Variants in TMEM182 observed in about 807,000 individuals in gnomAD.
TMEM182 encodes the protein transmembrane protein 182.
Under a neutral mutation model 26.8 loss-of-function variants are expected in TMEM182, and 20 were observed. That is an observed-to-expected ratio of 0.75 (90% CI 0.53 to 1.09). The LOEUF (loss-of-function observed/expected upper bound fraction) is 1.09. TMEM182 is among the 50% of genes least tolerant of loss of function. The probability of loss-of-function intolerance (pLI) is 0.00; values close to 1 mark genes in which losing one functional copy is unlikely to be tolerated. For missense variants in TMEM182, 277 were observed against 275.5 expected (o/e 1.01, Z -0.04); for synonymous variants, 109 against 102.2 (o/e 1.07, Z -0.40).
At chr2:102,782,902 T>A (rs1005760853) in intron 3 of TMEM182, among the ~76,000 whole-genome samples, 2 of 152,226 alleles carry the variant, frequency 1.3e-5, no homozygotes, top group Admixed American at 6.5e-5. Flanking sequence ...TTAATATTTT[T>A]AAATATAATT....
chr2:102,794,537 C>G (rs1268073401), intron 3 of TMEM182, among the ~76,000 whole-genome samples: 1 of 152,216 alleles, frequency 6.6e-6, no homozygotes, highest in Non-Finnish European at 1.5e-5. Context: ...AATGGCTTCA[C>G]CCTACCCTTC....
intron 3 of TMEM182, among the ~76,000 whole-genome samples, chr2:102,772,889 A>T (rs1680739483): frequency 6.6e-6 from 1 of 152,158 alleles, no homozygotes; most frequent in Non-Finnish European, 1.5e-5. Context: ...ATTAGGGCAC[A>T]TAAATTCATC....
intron 4 of TMEM182, among the ~76,000 whole-genome samples, chr2:102,812,133 G>T (rs898779870): frequency 2.6e-5 from 4 of 152,002 alleles, no homozygotes; most frequent in African/African-American, 9.7e-5. Context: ...ATCACTGTAG[G>T]GTTTATTTTA....
chr2:102,823,688 T>TA (rs1274054963), intron 3 of TMEM182, among the ~76,000 whole-genome samples: 1 of 152,188 alleles, frequency 6.6e-6, no homozygotes. Context: ...ACATAATGCA[T>TA]CCTCAAGGAG....
At chr2:102,833,777 G>A (rs1383655309) in intron 3 of TMEM182, among the ~76,000 whole-genome samples, 2 of 152,176 alleles carry the variant, frequency 1.3e-5, no homozygotes, top group East Asian at 3.8e-4. Flanking sequence ...ACTGGTCAAG[G>A]ACTTTGTCCA....
At chr2:102,798,059 T>G (rs1264102860) in intron 4 of TMEM182, 59 bp downstream of exon 4, 1 of 1,552,708 alleles carries the variant, frequency 6.4e-7, no homozygotes, top group Non-Finnish European at 8.7e-7. Flanking sequence ...GTCTTTCTAT[T>G]TTTCATTTCT....
rs1477516415 is a variant in TMEM182, at chr2:102,817,532, C to T, written c.*2564C>T. On this transcript the variant is annotated 3_prime_UTR_variant, in exon 5 of 5. Transcript: ENST00000412401. ...CACAGAGAAGTTTAATGATCGTGTA[C>T]AATTTGAGGGTTGATGGTAGGGCTT... 10 of 985,068 alleles carry T rather than the reference C, an allele frequency of 1.0e-5. No individual in the cohort carries two copies. Among genetic ancestry groups the T allele is most frequent in the Non-Finnish European group, 9.6e-6 (8 of 829,888 alleles). 61.0% of individuals were successfully genotyped at this position (985,068 alleles called of 1,614,324 possible).
intron 1 of TMEM182, among the ~76,000 whole-genome samples, chr2:102,749,145 A>G (rs1679803138): frequency 6.6e-6 from 1 of 152,130 alleles, no homozygotes; most frequent in African/African-American, 2.4e-5. Context: ...TCCTGAACCT[A>G]TTTTCTAAAA....
intron 3 of TMEM182, among the ~76,000 whole-genome samples, chr2:102,771,879 C>T (rs1384536479): frequency 6.6e-6 from 1 of 152,154 alleles, no homozygotes; most frequent in Admixed American, 6.5e-5. Context: ...CCCAGTAGAT[C>T]CCAGTTATGA....
At chr2:102,762,441 C>G in intron 1 of TMEM182, 92 bp downstream of exon 1, 2 of 1,558,444 alleles carry the variant, frequency 1.3e-6, no homozygotes, top group Non-Finnish European at 1.7e-6. Context: ...AGTGGAGTGT[C>G]TATTTCTTCA....
intron 3 of TMEM182, among the ~76,000 whole-genome samples, chr2:102,785,224 A>C (rs115312596): frequency 3.0e-4 from 45 of 150,736 alleles, no homozygotes; most frequent in Non-Finnish European, 4.9e-4. Flanking sequence ...TCCAAGCACC[A>C]CTCCCCACTC....
intron 3 of TMEM182, among the ~76,000 whole-genome samples, chr2:102,794,020 T>C (rs2215963): frequency 0.54 from 82,005 of 152,020 alleles, 22,696 homozygotes; most frequent in African/African-American, 0.65. Flanking sequence ...CAGTGAGCTG[T>C]GATTACATGA....
At chr2:102,762,552 ATTGATGGCAAG>A in intron 1 of TMEM182, 24 bp from the exon 2 acceptor site, 1 of 1,589,096 alleles carries the variant, frequency 6.3e-7, no homozygotes, top group Non-Finnish European at 8.6e-7. Context: ...TATTTCTTGT[ATTGATGGCAAG>A]TTACTTCATT....
intron 3 of TMEM182, among the ~76,000 whole-genome samples, chr2:102,786,150 C>T (rs989216830): frequency 3.5e-5 from 5 of 141,940 alleles, no homozygotes; most frequent in Non-Finnish European, 7.6e-5. Flanking sequence ...GTTCTTGATT[C>T]ATTTGAAGCA....
intron 1 of TMEM182, among the ~76,000 whole-genome samples, chr2:102,745,316 G>A (rs1469851266): frequency 6.6e-6 from 1 of 151,788 alleles, no homozygotes; most frequent in East Asian, 1.9e-4. Context: ...ATACCTATCT[G>A]GTCTTGCATG....
rs576038178 is a variant in TMEM182, at chr2:102,742,193, G to T, written c.-83+5180G>T. 9.4e-3 allele frequency among the ~76,000 whole-genome samples: 1,429 copies of T among 152,186 alleles called. 21 individuals carry two copies. The highest frequency in any genetic ancestry group is 0.032 in the African/African-American group (1,332 of 41,526). ...GTAAGCAGAGAGATGAAAACTGAAA[G>T]AATCAAAAGAAAATTATAGAAATCA... is the stretch of plus-strand genomic sequence containing the variant. On this transcript the variant is annotated intron_variant, in intron 1 of 5. Transcript: ENST00000409173.
intron 4 of TMEM182, among the ~76,000 whole-genome samples, chr2:102,806,323 G>T (rs979313140): frequency 6.6e-6 from 1 of 152,170 alleles, no homozygotes; most frequent in Admixed American, 6.5e-5. Flanking sequence ...GGGGAAGGCG[G>T]TTGGCTTGAC....
chr2:102,780,415 C>T (rs1200960141), intron 3 of TMEM182, among the ~76,000 whole-genome samples: 3 of 152,092 alleles, frequency 2.0e-5, no homozygotes, highest in African/African-American at 7.2e-5. Flanking sequence ...CATGATGCTT[C>T]CTCTGATACC....
At chr2:102,806,851 A>G (rs2104745336) in intron 4 of TMEM182, among the ~76,000 whole-genome samples, 1 of 152,288 alleles carries the variant, frequency 6.6e-6, no homozygotes, top group East Asian at 1.9e-4. Flanking sequence ...AGGGTTACTC[A>G]ATAAAGTGTA....
Sources: gnomAD v4.1 joint callset for allele counts (sites outside exome capture counted in the v4.1 genomes callset) on GRCh38, gnomAD v4.1.1 for gene constraint, MANE v1.5 for transcripts, NCBI Gene and HGNC (gene_info 2026-07-23, HGNC 2026-07-21) for gene names.